The following KSR2 variants were observed in gnomAD, a reference collection of about 807,000 sequenced individuals.
KSR2 encodes the protein kinase suppressor of ras 2.
KSR2 carries 25 observed loss-of-function variants against 107.8 expected under a neutral mutation model. That is an observed-to-expected ratio of 0.23 (90% CI 0.17 to 0.32). The LOEUF is 0.32. Ranked by LOEUF, KSR2 falls within the 10% of genes least tolerant of loss-of-function variation. KSR2 has a pLI of 1.00. For missense variants in KSR2, 887 were observed against 1,268.9 expected (o/e 0.70, Z 4.57); for synonymous variants, 480 against 507.0 (o/e 0.95, Z 0.71).
At chr12:117,499,031 G>A (rs1348455715) in intron 14 of KSR2, among the ~76,000 whole-genome samples, 2 of 152,240 alleles carry the variant, frequency 1.3e-5, no homozygotes, top group Admixed American at 6.5e-5. Context: ...GCTCAAATTA[G>A]TAATGAACTT....
Position 117,862,679 on chromosome 12 carries a change from G to T in KSR2, c.181-2248C>A, listed in dbSNP as rs530016626. ...CAAAACAAAACTTGGAGCCTGGGAT[G>T]GTTGTCATGGGCTTCTGTTGCTTTT... On this transcript the variant is annotated intron_variant, in intron 1 of 19. Coordinates refer to ENST00000339824, the MANE Select transcript of KSR2 (RefSeq NM_173598.6). Among the ~76,000 whole-genome samples, 118 of 151,354 alleles carry T rather than the reference G, an allele frequency of 7.8e-4. 1 individual carries two copies. In the Middle Eastern group the frequency reaches 0.014, roughly 18 times the overall value.
At chr12:117,909,505 T>C (rs949438097) in intron 1 of KSR2, among the ~76,000 whole-genome samples, 2 of 152,234 alleles carry the variant, frequency 1.3e-5, no homozygotes, top group Non-Finnish European at 2.9e-5. Flanking sequence ...TGTATGCCTG[T>C]TAATCTCAGG....
rs1885141832 is a variant in KSR2, at chr12:117,676,829, C to CA, written c.987-9172dup. Reference sequence around the variant, plus strand: ...TAACCAAAATGAGGGCCCATGTCTGCAAAAAAAGACCTTTGTAAGAATGTT... The same window carrying CA: ...TAACCAAAATGAGGGCCCATGTCTGCAAAAAAAAGACCTTTGTAAGAATGTT... On this transcript the variant is annotated intron_variant, in intron 4 of 19. Transcript: ENST00000339824. Among the ~76,000 whole-genome samples, 6 of 151,928 alleles carry CA rather than the reference C, an allele frequency of 3.9e-5. No homozygotes were observed. The South Asian group carries it at 1.2e-3, about 32-fold the overall frequency.
At chr12:117,532,447 C>T (rs1190191431) in intron 10 of KSR2, among the ~76,000 whole-genome samples, 1 of 152,112 alleles carries the variant, frequency 6.6e-6, no homozygotes, top group Non-Finnish European at 1.5e-5. Context: ...TTAGGGACTG[C>T]CCAGATAAGC....
chr12:117,638,753 A>G (rs1422402380), intron 5 of KSR2, among the ~76,000 whole-genome samples: 1 of 152,116 alleles, frequency 6.6e-6, no homozygotes, highest in Non-Finnish European at 1.5e-5. Flanking sequence ...TCGATTTCTC[A>G]AGTTCAAATT....
intron 10 of KSR2, among the ~76,000 whole-genome samples, chr12:117,538,202 C>T (rs1432533877): frequency 3.3e-5 from 5 of 152,002 alleles, no homozygotes; most frequent in Non-Finnish European, 5.9e-5. Flanking sequence ...GGCAATGAAT[C>T]GGTGGCATTT....
chr12:117,880,996 TCTCA>T (rs1894009663), intron 1 of KSR2, among the ~76,000 whole-genome samples: 2 of 150,720 alleles, frequency 1.3e-5, no homozygotes, highest in African/African-American at 4.9e-5. Flanking sequence ...TATGGCAGAG[TCTCA>T]CTCTATCACC....
At chr12:117,605,000 G>C (rs915334392) in intron 5 of KSR2, among the ~76,000 whole-genome samples, 1 of 152,140 alleles carries the variant, frequency 6.6e-6, no homozygotes, top group Admixed American at 6.5e-5. Flanking sequence ...GGGGAAAAAT[G>C]AATTACCTGA....
chr12:117,753,504 C>T (rs1330932244), intron 4 of KSR2, among the ~76,000 whole-genome samples: 1 of 152,164 alleles, frequency 6.6e-6, no homozygotes, highest in Admixed American at 6.5e-5. Flanking sequence ...AAGATCATGT[C>T]CTTTGCAGGA....
chr12:117,477,783 C>A (rs893485755), intron 16 of KSR2, among the ~76,000 whole-genome samples: 4 of 152,218 alleles, frequency 2.6e-5, no homozygotes, highest in Non-Finnish European at 4.4e-5. Context: ...TATATACAAC[C>A]AACTCCTTGC....
In KSR2 at chr12:117,720,632, G is replaced by T. The variant is rs998304927; in HGVS notation, c.986+40379C>A. Among the ~76,000 whole-genome samples, 57 of 152,176 alleles carry T rather than the reference G, an allele frequency of 3.7e-4. 1 individual carries two copies. The highest frequency in any genetic ancestry group is 7.3e-5 in the Non-Finnish European group (5 of 68,046). The stretch of plus-strand genomic sequence containing the variant: ...AGGCAATGATAAGCTCCACCCTTTG[G>T]TCTTAACCAAGGGCTCAAACATCAG... On this transcript the variant is annotated intron_variant, in intron 4 of 19. Transcript: ENST00000339824.
chr12:117,610,750 A>C (rs1027264721), intron 5 of KSR2, among the ~76,000 whole-genome samples: 3 of 151,660 alleles, frequency 2.0e-5, no homozygotes, highest in Non-Finnish European at 4.4e-5. Flanking sequence ...AAAAAAAAAA[A>C]AAAAACAGAT....
At chr12:117,661,343 C>T (rs926908700) in intron 5 of KSR2, among the ~76,000 whole-genome samples, 9 of 152,034 alleles carry the variant, frequency 5.9e-5, no homozygotes, top group African/African-American at 2.2e-4. Flanking sequence ...AAAGTACTGA[C>T]TCAATGTCAA....
At chr12:117,954,243 C>T (rs1048540596) in intron 1 of KSR2, among the ~76,000 whole-genome samples, 1 of 152,114 alleles carries the variant, frequency 6.6e-6, no homozygotes, top group Non-Finnish European at 1.5e-5. Context: ...CTGAAGGGTC[C>T]CCCCTACCTT....
intron 5 of KSR2, among the ~76,000 whole-genome samples, chr12:117,604,520 G>C (rs894237210): frequency 2.6e-5 from 4 of 152,116 alleles, no homozygotes; most frequent in Admixed American, 2.0e-4. Flanking sequence ...CCTTGTCCTA[G>C]AGCAAGGGTA....
intron 3 of KSR2, among the ~76,000 whole-genome samples, chr12:117,796,627 T>A (rs564138783): frequency 1.3e-5 from 2 of 152,148 alleles, no homozygotes; most frequent in African/African-American, 4.8e-5. Context: ...TACCCTTGAT[T>A]TCCCCAAGGC....
At chr12:117,755,058 T>G (rs547216210) in intron 4 of KSR2, among the ~76,000 whole-genome samples, 1 of 152,296 alleles carries the variant, frequency 6.6e-6, no homozygotes, top group Admixed American at 6.5e-5. Flanking sequence ...GAAAGAGAGA[T>G]AACTGGAACC....
At chr12:117,732,905 C>T (rs1005758995) in intron 4 of KSR2, among the ~76,000 whole-genome samples, 4 of 152,092 alleles carry the variant, frequency 2.6e-5, no homozygotes, top group African/African-American at 7.2e-5. Context: ...AGCAGTGCCC[C>T]GCCCTGCGAG....
At chr12:117,959,409 T>C (rs1284155534) in intron 1 of KSR2, among the ~76,000 whole-genome samples, 2 of 152,172 alleles carry the variant, frequency 1.3e-5, no homozygotes, top group Non-Finnish European at 2.9e-5. Context: ...ATCAGATTCA[T>C]CAGCACCTTC....
Sources: gnomAD v4.1 joint callset for allele counts (sites outside exome capture counted in the v4.1 genomes callset) on GRCh38, gnomAD v4.1.1 for gene constraint, MANE v1.5 for transcripts, NCBI Gene and HGNC (gene_info 2026-07-23, HGNC 2026-07-21) for gene names.